ELAVL2: variants seen among roughly 807,000 people sequenced by gnomAD.
The protein encoded by ELAVL2 is ELAV-like protein 2.
Under a neutral mutation model 34.6 loss-of-function variants are expected in ELAVL2, and 4 were observed. The ratio of observed to expected loss-of-function variants is 0.12; its 90% CI spans 0.06 to 0.26. The LOEUF is 0.26. ELAVL2 is among the 10% of genes least tolerant of loss of function. The pLI is 1.00. For synonymous variants in ELAVL2, 193 were observed against 154.8 expected (o/e 1.25, Z -1.83); for missense variants, 432 against 442.8 (o/e 0.98, Z 0.22).
chr9:23,721,282 T>G (rs1428478275), intron 3 of ELAVL2, among the ~76,000 whole-genome samples: 1 of 152,240 alleles, frequency 6.6e-6, no homozygotes, highest in Non-Finnish European at 1.5e-5. Context: ...AAAAGGCCAC[T>G]GTGCTTGATT....
At chr9:23,721,474 G>A (rs983081415) in intron 3 of ELAVL2, among the ~76,000 whole-genome samples, 2 of 152,152 alleles carry the variant, frequency 1.3e-5, no homozygotes, top group Non-Finnish European at 1.5e-5. Flanking sequence ...CCTTCCTGCA[G>A]CTCACCTGAT....
intron 3 of ELAVL2, among the ~76,000 whole-genome samples, chr9:23,730,397 T>C (rs1014151380): frequency 6.6e-6 from 1 of 152,148 alleles, no homozygotes; most frequent in African/African-American, 2.4e-5. Flanking sequence ...GCAAGCTGAA[T>C]TAGCTAGAGC....
intron 2 of ELAVL2, among the ~76,000 whole-genome samples, chr9:23,747,981 A>G (rs1564248181): frequency 6.6e-6 from 1 of 152,170 alleles, no homozygotes; most frequent in Non-Finnish European, 1.5e-5. Flanking sequence ...AGGCAGAAAT[A>G]GGCCACAAAC....
intron 5 of ELAVL2, among the ~76,000 whole-genome samples, chr9:23,695,753 T>C (rs2034935793): frequency 6.6e-6 from 1 of 152,192 alleles, no homozygotes; most frequent in Non-Finnish European, 1.5e-5. Context: ...GAAAAGGTAA[T>C]GCATTGCACA....
At chr9:23,788,974 T>A (rs994960734) in intron 1 of ELAVL2, among the ~76,000 whole-genome samples, 3 of 152,170 alleles carry the variant, frequency 2.0e-5, no homozygotes, top group African/African-American at 4.8e-5. Context: ...ACGGAAATCA[T>A]GGAAAGCGAA....
At chr9:23,751,933 A>G (rs1238257543) in intron 2 of ELAVL2, among the ~76,000 whole-genome samples, 1 of 152,160 alleles carries the variant, frequency 6.6e-6, no homozygotes, top group East Asian at 1.9e-4. Flanking sequence ...CGCACTTTCT[A>G]TTCTTACTTT....
upstream of ELAVL2, among the ~76,000 whole-genome samples, chr9:23,828,531 G>T (rs569123546): frequency 6.6e-6 from 1 of 152,240 alleles, no homozygotes; most frequent in Non-Finnish European, 1.5e-5. Flanking sequence ...TAAAAATCTA[G>T]CATGTGTATT....
chr9:23,842,441 C>T, the ELAVL2 span, among the ~76,000 whole-genome samples: 3 of 152,134 alleles, frequency 2.0e-5, no homozygotes, highest in Non-Finnish European at 2.9e-5. Flanking sequence ...GAAAACCAGC[C>T]TCCCTGAGAA....
At chr9:23,797,232 C>A (rs1042562456) in intron 1 of ELAVL2, among the ~76,000 whole-genome samples, 1 of 152,182 alleles carries the variant, frequency 6.6e-6, no homozygotes, top group Non-Finnish European at 1.5e-5. Context: ...GAACCTCTAT[C>A]CTCTGTTTAA....
At chr9:23,794,490 G>A (rs1391892659) in intron 1 of ELAVL2, among the ~76,000 whole-genome samples, 1 of 152,196 alleles carries the variant, frequency 6.6e-6, no homozygotes, top group Non-Finnish European at 1.5e-5. Context: ...CTTAGGGAGT[G>A]AAAATATATA....
chr9:23,780,506 AT>A, intron 1 of ELAVL2, among the ~76,000 whole-genome samples: 1 of 152,268 alleles, frequency 6.6e-6, no homozygotes, highest in South Asian at 2.1e-4. Context: ...TTCTTAGAAA[AT>A]TTGTGGTCAA....
At position 23,704,804 on chromosome 9, in the gene ELAVL2, C is replaced by T. The variant is rs2038760477; in HGVS notation, c.487+114G>A. The T allele has an allele frequency of 6.7e-6, 9 of 1,344,368 alleles. No homozygotes were observed. In the South Asian group the frequency reaches 8.7e-5, roughly 13 times the overall value. The allele number at this position is 1,344,368 out of a possible 1,614,324, so 83.3% of individuals were successfully genotyped here. A position where few individuals can be genotyped will look rare whatever the true frequency, so the allele number is the denominator to read the frequency against. On this transcript the variant is annotated intron_variant, in intron 4 of 6. Transcript: ENST00000397312. ...CAGCAGAAAATTGCATTTTCTGGCC[C>T]ACATATACCTTTGATATGTTCTAGA...
intron 3 of ELAVL2, among the ~76,000 whole-genome samples, chr9:23,717,372 C>G (rs768624336): frequency 1.3e-5 from 2 of 152,146 alleles, no homozygotes; most frequent in African/African-American, 2.4e-5. Flanking sequence ...AAATTCATTC[C>G]TATTGTTTCT....
At chr9:23,825,060 C>T (rs903990314) in intron 1 of ELAVL2, among the ~76,000 whole-genome samples, 1 of 152,204 alleles carries the variant, frequency 6.6e-6, no homozygotes, top group African/African-American at 2.4e-5. Flanking sequence ...ATCTTATTTA[C>T]GCTTTTCTGA....
chr9:23,809,472 A>AT, intron 1 of ELAVL2, among the ~76,000 whole-genome samples: 1 of 152,194 alleles, frequency 6.6e-6, no homozygotes, highest in Admixed American at 6.5e-5. Flanking sequence ...TAAAAATTGC[A>AT]TATCTAAGAC....
rs1476328342 is a variant in ELAVL2 at position 23,756,170 on chromosome 9, A to C, written c.229+5836T>G. On this transcript the variant is annotated intron_variant, in intron 2 of 6. Coordinates refer to ENST00000397312, the MANE Select transcript of ELAVL2 (RefSeq NM_004432.5). ...TAAAGAAGGATCAAAACTAGCTGTAAAATTCTCAGCAAGCAGAGACACAAG... is the reference window on the plus strand; with the variant it reads ...TAAAGAAGGATCAAAACTAGCTGTACAATTCTCAGCAAGCAGAGACACAAG... Among the ~76,000 whole-genome samples the C allele has an allele frequency of 2.0e-5, 3 of 152,144 alleles. No homozygotes were observed. In the East Asian group the frequency reaches 5.8e-4, roughly 29 times the overall value.
At chr9:23,777,100 T>TA (rs1440400917) in intron 1 of ELAVL2, among the ~76,000 whole-genome samples, 1 of 152,198 alleles carries the variant, frequency 6.6e-6, no homozygotes. Flanking sequence ...GTAAATTGCT[T>TA]AGCAGTAAAT....
chr9:23,759,789 T>TATATATATAA (rs1351880472), intron 2 of ELAVL2, among the ~76,000 whole-genome samples: 2 of 106,408 alleles, frequency 1.9e-5, no homozygotes, highest in Non-Finnish European at 4.2e-5. Context: ...TATATATATA[T>TATATATATAA]AATGTATAGA....
chr9:23,738,920 A>G (rs1449172021), intron 2 of ELAVL2, among the ~76,000 whole-genome samples: 1 of 152,104 alleles, frequency 6.6e-6, no homozygotes, highest in Non-Finnish European at 1.5e-5. Flanking sequence ...CAGTCCCAGT[A>G]ATTATGAATC....
Sources: allele counts gnomAD v4.1 joint callset (sites outside exome capture counted in the v4.1 genomes callset), GRCh38; gene constraint gnomAD v4.1.1; transcripts MANE v1.5; gene names NCBI Gene and HGNC (gene_info 2026-07-23, HGNC 2026-07-21).